ULK4: variants seen among roughly 807,000 people sequenced by gnomAD.
The protein encoded by ULK4 is inactive serine/threonine-protein kinase ULK4.
In ULK4, 133 loss-of-function variants were observed where a neutral mutation model predicts 160.6. The ratio of observed to expected loss-of-function variants is 0.83; its 90% CI spans 0.72 to 0.96. The LOEUF (loss-of-function observed/expected upper bound fraction) is 0.96, where lower values mean the gene tolerates loss of function less well. ULK4 is among the 40% of genes least tolerant of loss of function. The pLI is 0.00. For synonymous variants in ULK4, 534 were observed against 539.8 expected (o/e 0.99, Z 0.15); for missense variants, 1,580 against 1,499.5 (o/e 1.05, Z -0.89).
chr3:41,498,836 T>G (rs879358352), intron 32 of ULK4, among the ~76,000 whole-genome samples: 13 of 152,056 alleles, frequency 8.5e-5, no homozygotes, highest in Non-Finnish European at 1.3e-4. Flanking sequence ...ACATTGTGAT[T>G]TGCCCACCTC....
chr3:41,570,208 G>A (rs2087923303), intron 31 of ULK4, among the ~76,000 whole-genome samples: 1 of 152,182 alleles, frequency 6.6e-6, no homozygotes, highest in Non-Finnish European at 1.5e-5. Context: ...GTATGCCGTT[G>A]TTTAACACAA....
chr3:41,492,892 T>C (rs2084839414), intron 32 of ULK4, among the ~76,000 whole-genome samples: 3 of 143,124 alleles, frequency 2.1e-5, no homozygotes, highest in African/African-American at 7.8e-5. Context: ...CCTAAATATA[T>C]ATGCACCCAA....
intron 32 of ULK4, among the ~76,000 whole-genome samples, chr3:41,491,430 G>C (rs1311607293): frequency 6.6e-6 from 1 of 152,050 alleles, no homozygotes; most frequent in African/African-American, 2.4e-5. Context: ...AAAATTAAAA[G>C]AGTTTGGCAC....
intron 29 of ULK4, among the ~76,000 whole-genome samples, chr3:41,674,683 C>T (rs145645053): frequency 2.6e-5 from 4 of 152,302 alleles, no homozygotes; most frequent in African/African-American, 9.6e-5. Flanking sequence ...GTATCACCAA[C>T]TTAGTAAGTA....
At position 41,793,690 on chromosome 3, in the gene ULK4, T is replaced by C. The variant is rs1360354728; in HGVS notation, c.2011-3847A>G. ...CTTCAGTAATTATGATTACTTCAGCTACCTCTCTCATAGGAGCCACTTTAC... is the reference window on the plus strand; with the variant it reads ...CTTCAGTAATTATGATTACTTCAGCCACCTCTCTCATAGGAGCCACTTTAC... On this transcript the variant is annotated intron_variant, in intron 20 of 36. Coordinates refer to ENST00000301831, the MANE Select transcript of ULK4 (RefSeq NM_017886.4). Among the ~76,000 whole-genome samples the C allele has an allele frequency of 4.6e-5, 7 of 152,204 alleles. No individual in the cohort carries two copies. In the East Asian group the frequency reaches 1.3e-3, roughly 29 times the overall value.
intron 22 of ULK4, among the ~76,000 whole-genome samples, chr3:41,738,247 G>A (rs2038122566): frequency 6.6e-6 from 1 of 151,930 alleles, no homozygotes; most frequent in South Asian, 2.1e-4. Context: ...TGTGACTCCT[G>A]TTGCAGCTGC....
chr3:41,690,156 T>C (rs548598279), intron 27 of ULK4, among the ~76,000 whole-genome samples: 9 of 146,514 alleles, frequency 6.1e-5, no homozygotes, highest in Admixed American at 1.4e-4. Context: ...ATGGATGAAA[T>C]TGGAAATCAT....
intron 4 of ULK4, among the ~76,000 whole-genome samples, chr3:41,933,696 A>AT (rs11288284): frequency 1.5e-4 from 22 of 150,258 alleles, no homozygotes; most frequent in East Asian, 1.4e-3. Context: ...AGAGTGTTGG[A>AT]TTTTTTTTTT....
chr3:41,865,063 G>A (rs2042586544), intron 17 of ULK4, among the ~76,000 whole-genome samples: 1 of 151,960 alleles, frequency 6.6e-6, no homozygotes, highest in Non-Finnish European at 1.5e-5. Flanking sequence ...CTTGAGGTCA[G>A]GAGTTCAAGA....
intron 18 of ULK4, among the ~76,000 whole-genome samples, chr3:41,825,500 AACT>A (rs2041314506): frequency 6.6e-6 from 1 of 152,258 alleles, no homozygotes; most frequent in Admixed American, 6.5e-5. Context: ...ATGGCACAAG[AACT>A]ACGTGACAAA....
intron 22 of ULK4, among the ~76,000 whole-genome samples, chr3:41,748,070 T>G (rs2038478503): frequency 6.6e-6 from 1 of 151,994 alleles, no homozygotes. Flanking sequence ...ATTGTACATT[T>G]TATTTTACAC....
chr3:41,615,560 C>T (rs1353846932), intron 31 of ULK4, 109 bp downstream of exon 31: 3 of 1,020,672 alleles, frequency 2.9e-6, no homozygotes, highest in Middle Eastern at 2.3e-4. Flanking sequence ...GATGGACGTA[C>T]AATCCTTCAG....
At chr3:41,584,682 T>C (rs1454821960) in intron 31 of ULK4, among the ~76,000 whole-genome samples, 2 of 152,090 alleles carry the variant, frequency 1.3e-5, no homozygotes, top group East Asian at 1.9e-4. Flanking sequence ...ACACTAAAAA[T>C]AGGGTACTTT....
At chr3:41,877,720 C>G (rs1164038114) in intron 17 of ULK4, among the ~76,000 whole-genome samples, 1 of 151,904 alleles carries the variant, frequency 6.6e-6, no homozygotes, top group Non-Finnish European at 1.5e-5. Flanking sequence ...GGTGGCTCAC[C>G]GCTATAATCC....
chr3:41,465,283 T>C (rs1449128457), intron 32 of ULK4, among the ~76,000 whole-genome samples: 1 of 152,206 alleles, frequency 6.6e-6, no homozygotes, highest in Non-Finnish European at 1.5e-5. Context: ...TTCATTACCC[T>C]TTTCAACAAT....
At chr3:41,535,563 C>A (rs1242924736) in intron 32 of ULK4, among the ~76,000 whole-genome samples, 1 of 152,156 alleles carries the variant, frequency 6.6e-6, no homozygotes, top group African/African-American at 2.4e-5. Flanking sequence ...ATGATTGAGG[C>A]AGAATTGATC....
chr3:41,494,047 G>C (rs1435869862), intron 32 of ULK4, among the ~76,000 whole-genome samples: 1 of 131,564 alleles, frequency 7.6e-6, no homozygotes, highest in East Asian at 2.0e-4. Context: ...CCAATCAATA[G>C]AAAAAGAGGG....
At chr3:41,534,712 T>G (rs2086436039) in intron 32 of ULK4, among the ~76,000 whole-genome samples, 1 of 152,154 alleles carries the variant, frequency 6.6e-6, no homozygotes, top group South Asian at 2.1e-4. Context: ...AGGACCATAA[T>G]TATTTTATAT....
At chr3:41,785,535 C>T (rs1196526391) in intron 21 of ULK4, among the ~76,000 whole-genome samples, 2 of 152,130 alleles carry the variant, frequency 1.3e-5, no homozygotes, top group African/African-American at 4.8e-5. Context: ...CTTTTGGAGA[C>T]TGGGTTTCCA....
Sources: gnomAD v4.1 joint callset for allele counts (sites outside exome capture counted in the v4.1 genomes callset) on GRCh38, gnomAD v4.1.1 for gene constraint, MANE v1.5 for transcripts, NCBI Gene and HGNC (gene_info 2026-07-23, HGNC 2026-07-21) for gene names.